Variants in GPHN observed in about 807,000 individuals in gnomAD.
The protein encoded by GPHN is gephyrin.
GPHN carries 17 observed loss-of-function variants against 95.5 expected under a neutral mutation model. The observed-to-expected ratio is 0.18, with a 90% CI of 0.12 to 0.27. The LOEUF (loss-of-function observed/expected upper bound fraction) is 0.27, where lower values mean the gene tolerates loss of function less well. Among genes scored for constraint, GPHN ranks in the 10% least tolerant of loss-of-function variants. The probability of loss-of-function intolerance (pLI) is 1.00; values close to 1 mark genes in which losing one functional copy is unlikely to be tolerated. For synonymous variants in GPHN, 320 were observed against 322.5 expected, an observed-to-expected ratio of 0.99 and a Z score of 0.08; for missense variants, 660 against 978.1, an observed-to-expected ratio of 0.67 and a Z score of 4.34.
chr14:67,476,325 A>C, the GPHN span, among the ~76,000 whole-genome samples: 1 of 152,070 alleles, frequency 6.6e-6, no homozygotes, highest in Non-Finnish European at 1.5e-5. Flanking sequence ...AGTGGCTCAC[A>C]CCTGTAATCC....
At chr14:67,491,901 C>G in the GPHN span, among the ~76,000 whole-genome samples, 1 of 152,226 alleles carries the variant, frequency 6.6e-6, no homozygotes, top group Non-Finnish European at 1.5e-5. Context: ...CCGCGGGGGC[C>G]TGCCTGGCAT....
chr14:66,980,738 A>G (rs2070602690), intron 9 of GPHN, among the ~76,000 whole-genome samples: 1 of 152,214 alleles, frequency 6.6e-6, no homozygotes, highest in South Asian at 2.1e-4. Flanking sequence ...ATATCATTAG[A>G]CATCAGAACC....
At chr14:66,553,606 C>G (rs865859821) in intron 1 of GPHN, among the ~76,000 whole-genome samples, 3 of 151,650 alleles carry the variant, frequency 2.0e-5, no homozygotes, top group African/African-American at 7.3e-5. Context: ...GAGCCAGAGT[C>G]TCACTCTGTC....
chr14:67,592,587 A>G, the GPHN span: 3 of 1,109,390 alleles, frequency 2.7e-6, no homozygotes, highest in Admixed American at 1.8e-5. Flanking sequence ...ATTCCTAATG[A>G]AAAGGTTGAG....
At chr14:66,762,725 G>T (rs1334549951) in intron 2 of GPHN, among the ~76,000 whole-genome samples, 1 of 152,122 alleles carries the variant, frequency 6.6e-6, no homozygotes, top group Non-Finnish European at 1.5e-5. Context: ...ATGCTCAGTA[G>T]ATTCTAATTC....
chr14:66,923,634 A>G (rs2066332831), intron 7 of GPHN, among the ~76,000 whole-genome samples: 1 of 152,162 alleles, frequency 6.6e-6, no homozygotes, highest in African/African-American at 2.4e-5. Flanking sequence ...ATACCTACTA[A>G]AGTCAACCTA....
At chr14:67,359,775 T>C in the GPHN span, 43 of 1,544,926 alleles carry the variant, frequency 2.8e-5, no homozygotes, top group Admixed American at 3.7e-4. Flanking sequence ...GCCTCCACAG[T>C]GTCTTCCTCT....
At chr14:67,423,461 G>T in the GPHN span, among the ~76,000 whole-genome samples, 2 of 152,146 alleles carry the variant, frequency 1.3e-5, no homozygotes, top group African/African-American at 2.4e-5. Flanking sequence ...CAGAAGAGGG[G>T]GCTCTGAAGG....
chr14:66,919,126 AT>A (rs2066070021), intron 6 of GPHN, among the ~76,000 whole-genome samples: 1 of 152,136 alleles, frequency 6.6e-6, no homozygotes, highest in African/African-American at 2.4e-5. Flanking sequence ...CTTATTTTAT[AT>A]TTTGCTTGCT....
the GPHN span, chr14:67,345,937 A>C: frequency 3.0e-6 from 3 of 992,988 alleles, no homozygotes; most frequent in Non-Finnish European, 4.7e-6. Flanking sequence ...AATTCCCCAA[A>C]AGGAGATAAT....
intron 8 of GPHN, among the ~76,000 whole-genome samples, chr14:66,932,603 T>G (rs1232851190): frequency 2.7e-5 from 4 of 150,690 alleles, no homozygotes; most frequent in Non-Finnish European, 4.4e-5. Context: ...CAAGACAAAG[T>G]CCTCTTTACT....
At chr14:67,497,446 G>C in the GPHN span, among the ~76,000 whole-genome samples, 1 of 152,074 alleles carries the variant, frequency 6.6e-6, no homozygotes, top group Non-Finnish European at 1.5e-5. Flanking sequence ...GGGCAGCTCC[G>C]TCAGCACTAT....
chr14:67,523,137 A>G, the GPHN span, among the ~76,000 whole-genome samples: 4 of 152,166 alleles, frequency 2.6e-5, no homozygotes, highest in African/African-American at 9.7e-5. Context: ...AGCCTGGCCA[A>G]CATGGTGAAA....
chr14:67,482,592 G>T, the GPHN span, among the ~76,000 whole-genome samples: 1 of 152,230 alleles, frequency 6.6e-6, no homozygotes, highest in Non-Finnish European at 1.5e-5. Flanking sequence ...GACCCCTGAG[G>T]CAACGCAGCG....
At chr14:67,239,882 A>C in the GPHN span, among the ~76,000 whole-genome samples, 1 of 151,878 alleles carries the variant, frequency 6.6e-6, no homozygotes, top group Non-Finnish European at 1.5e-5. Flanking sequence ...AAAAGAACTT[A>C]GAAAAGGAAG....
At chr14:67,631,442 T>C in the GPHN span, among the ~76,000 whole-genome samples, 1 of 147,738 alleles carries the variant, frequency 6.8e-6, no homozygotes, top group Non-Finnish European at 1.5e-5. Context: ...TTCTTTTTTT[T>C]TTTTTTTTTT....
intron 3 of GPHN, among the ~76,000 whole-genome samples, chr14:66,786,489 T>A (rs977134363): frequency 6.6e-6 from 1 of 152,016 alleles, no homozygotes; most frequent in Non-Finnish European, 1.5e-5. Context: ...TCAGTTTTAG[T>A]CAATCTCCTC....
the GPHN span, chr14:67,241,487 C>A: frequency 6.5e-6 from 1 of 153,566 alleles, no homozygotes; most frequent in South Asian, 2.1e-4. Context: ...TTCTGCAGTG[C>A]GTAGGAGCGG....
chr14:67,128,018 A>C (rs1027220419), intron 17 of GPHN, among the ~76,000 whole-genome samples: 1 of 152,290 alleles, frequency 6.6e-6, no homozygotes, highest in South Asian at 2.1e-4. Context: ...CCATGTCTTC[A>C]TTCTCCACTC....
Sources: allele counts gnomAD v4.1 joint callset (sites outside exome capture counted in the v4.1 genomes callset), GRCh38; gene constraint gnomAD v4.1.1; transcripts MANE v1.5; gene names NCBI Gene and HGNC (gene_info 2026-07-23, HGNC 2026-07-21).